The following TF variants were observed in gnomAD, a reference collection of about 807,000 sequenced individuals.
TF encodes the protein transferrin.
TF carries 55 observed loss-of-function variants against 82.4 expected under a neutral mutation model. That is an observed-to-expected ratio of 0.67 (90% CI 0.54 to 0.84). The LOEUF (loss-of-function observed/expected upper bound fraction) is 0.84, where lower values mean the gene tolerates loss of function less well. Ranked by LOEUF, TF falls within the 40% of genes least tolerant of loss-of-function variation. TF has a pLI of 0.00. For synonymous variants in TF, 332 were observed against 332.6 expected, an observed-to-expected ratio of 1.00 and a Z score of 0.02; for missense variants, 737 against 868.4, an observed-to-expected ratio of 0.85 and a Z score of 1.90.
Position 133,775,520 on chromosome 3 carries a change from A to C in TF, c.1775A>C (p.Glu592Ala). ...GATGGTACCAGGAAACCTGTGGAGGAGTATGCGAACTGCCACCTGGCCAGA... is the reference window on the plus strand; with the variant it reads ...GATGGTACCAGGAAACCTGTGGAGGCGTATGCGAACTGCCACCTGGCCAGA... ...CLDGTRKPVE[E>A]YANCHLARAP... Residue 592 changes from glutamate to alanine, a missense_variant, in exon 15 of 17, where the codon GAG becomes GCG. Transcript: ENST00000402696. 1.9e-6 allele frequency: 3 copies of C among 1,614,196 alleles called. No individual in the cohort carries two copies. The highest frequency in any genetic ancestry group is 2.5e-6 in the Non-Finnish European group (3 of 1,180,024).
chr3:133,719,362 G>A, the TF span, among the ~76,000 whole-genome samples: 8 of 152,194 alleles, frequency 5.3e-5, no homozygotes, highest in Admixed American at 5.2e-4. Flanking sequence ...GTTGTCCATA[G>A]TAGAAATAAG....
chr3:133,760,799 C>T (rs8177249), intron 9 of TF: 2,482 of 160,168 alleles, frequency 0.015, 67 homozygotes, highest in African/African-American at 0.056. Context: ...TGTGAGACCA[C>T]GTCCAAGTGG....
chr3:133,767,981 C>T, intron 12 of TF, 48 bp from the exon 13 acceptor site: 1 of 1,613,042 alleles, frequency 6.2e-7, no homozygotes, highest in Non-Finnish European at 8.5e-7. Flanking sequence ...ATAAAAGCTG[C>T]TTGCATTGAC....
rs1318630690 is a variant in TF, at chr3:133,782,443, T to C, written c.*3823T>C. On this transcript the variant is annotated 3_prime_UTR_variant, in exon 17 of 17. Transcript: ENST00000402696. ...TGTATACACACACACACACACACAA[T>C]GGAATATTATTCAGCCCTAAAAAGA... 6.8e-6 allele frequency: 1 copy of C among 146,188 alleles called. No homozygotes were observed. The highest frequency in any genetic ancestry group is 1.5e-5 in the Non-Finnish European group (1 of 66,884). 9.1% of individuals were successfully genotyped at this position (146,188 alleles called of 1,614,324 possible). A position where few individuals can be genotyped will look rare whatever the true frequency, so the allele number is the denominator to read the frequency against.
At chr3:133,731,023 A>T in the TF span, among the ~76,000 whole-genome samples, 2 of 152,396 alleles carry the variant, frequency 1.3e-5, no homozygotes, top group Admixed American at 6.5e-5. Flanking sequence ...AGAAACCAAC[A>T]GTTGACACCA....
chr3:133,671,832 G>GA, the TF span, among the ~76,000 whole-genome samples: 2 of 148,682 alleles, frequency 1.3e-5, no homozygotes, highest in Admixed American at 6.7e-5. Context: ...AAAAGGAGAA[G>GA]AAGGAAAGAA....
rs748308522 is a variant in TF, at chr3:133,766,390, C to G, written c.1443C>G (p.Ile481Met). The change falls in exon 12 of 17, where the codon ATC becomes ATG. Residue 481 changes from isoleucine to methionine, a missense_variant. Coordinates refer to ENST00000402696, the MANE Select transcript of TF (RefSeq NM_001063.4). Reference sequence around the variant, plus strand: ...TTGGCAGAACCGCTGGCTGGAACATCCCCATGGGCCTGCTCTACAATAAGA... The same window carrying G: ...TTGGCAGAACCGCTGGCTGGAACATGCCCATGGGCCTGCTCTACAATAAGA... ...TAVGRTAGWN[I>M]PMGLLYNKIN... 2.5e-6 allele frequency: 4 copies of G among 1,614,072 alleles called. No homozygotes were observed. Among genetic ancestry groups the G allele is most frequent in the African/African-American group, 1.3e-5 (1 of 74,932 alleles).
At chr3:133,762,763 G>C (rs1486147971) in intron 9 of TF, among the ~76,000 whole-genome samples, 2 of 152,164 alleles carry the variant, frequency 1.3e-5, no homozygotes, top group Non-Finnish European at 2.9e-5. Context: ...TCTGGTGACA[G>C]GTGCCTTCAA....
chr3:133,776,729 C>G (rs1934401755), intron 15 of TF, among the ~76,000 whole-genome samples: 1 of 152,102 alleles, frequency 6.6e-6, no homozygotes, highest in Non-Finnish European at 1.5e-5. Context: ...CTCTCATTTC[C>G]TATAAGCAGC....
At chr3:133,754,218 C>T (rs577450820) in intron 3 of TF, 127 of 477,450 alleles carry the variant, frequency 2.7e-4, no homozygotes, top group Admixed American at 4.7e-4. Flanking sequence ...TAGGCAGACA[C>T]GCTGCAGGGC....
chr3:133,680,230 G>C, the TF span, among the ~76,000 whole-genome samples: 3 of 150,218 alleles, frequency 2.0e-5, no homozygotes, highest in Admixed American at 1.3e-4. Flanking sequence ...TGGAGTTATA[G>C]GTTCTCCCTC....
chr3:133,759,059 C>G lies in TF; in HGVS notation c.1049-116C>G, dbSNP rs561630136. 1.3e-4 allele frequency: 174 copies of G among 1,291,676 alleles called. 4 individuals carry two copies. In the South Asian group the frequency reaches 1.9e-3, roughly 14 times the overall value. The allele number at this position is 1,291,676 out of a possible 1,614,324, so 80.0% of individuals were successfully genotyped here. ...AGGTGATTAATTCCTTGAATGGGGT[C>G]TGTTTGTTTATTGCTGGCAAATCCC... On this transcript the variant is annotated intron_variant, in intron 8 of 16. Transcript: ENST00000402696.
chr3:133,775,452 G>A lies in TF; in HGVS notation c.1707G>A (p.Trp569Ter). The stretch of plus-strand genomic sequence containing the variant: ...CCCTAGGAAAAAACCCTGATCCATG[G>A]GCTAAGAATCTGAATGAAAAAGACT... ...QNTGGKNPDP[W>*]AKNLNEKDYE... The change falls in exon 15 of 17, where the codon TGG becomes TGA. Residue 569 changes from tryptophan to a stop codon, truncating the protein, a stop_gained. Transcript: ENST00000402696. LOFTEE classifies it high-confidence loss of function. 6.2e-7 allele frequency: 1 copy of A among 1,614,170 alleles called. No homozygotes were observed. Among genetic ancestry groups the A allele is most frequent in the Non-Finnish European group, 8.5e-7 (1 of 1,180,024 alleles).
Position 133,756,861 on chromosome 3 carries a change from A to G in TF, c.722A>G (p.Gln241Arg), listed in dbSNP as rs755612049. The G allele has an allele frequency of 6.2e-7, 1 of 1,614,240 alleles. No homozygotes were observed. Residue 241 changes from glutamine to arginine, a missense_variant, in exon 7 of 17, where the codon CAG becomes CGG. Transcript: ENST00000402696. ...TTGGCAAACAAGGCTGACAGGGACC[A>G]GTATGAGCTGCTTTGCCTGGACAAC... ...ENLANKADRD[Q>R]YELLCLDNTR...
chr3:133,766,896 C>T (rs1475239508), intron 12 of TF, among the ~76,000 whole-genome samples: 3 of 152,148 alleles, frequency 2.0e-5, no homozygotes, highest in Non-Finnish European at 2.9e-5. Flanking sequence ...AAGGAGCTCT[C>T]TAGGAAGTCT....
rs1576369974 is a variant in TF at position 133,778,935 on chromosome 3, CTCCTGGGT to C, written c.*316_*323del. 5.7e-6 allele frequency: 2 copies of C among 351,236 alleles called. No individual in the cohort carries two copies. The highest frequency in any genetic ancestry group is 1.4e-4 in the East Asian group (2 of 14,030). 21.8% of individuals were successfully genotyped at this position (351,236 alleles called of 1,614,324 possible). ...AGCTTTGTGTGTGCCATGGCCACAT[CTCCTGGGT>C]ACAGTTCAAGGAGACATCTTTTCTA... On this transcript the variant is annotated 3_prime_UTR_variant, in exon 17 of 17. Coordinates refer to ENST00000402696, the MANE Select transcript of TF (RefSeq NM_001063.4).
chr3:133,739,300 A>G, the TF span, among the ~76,000 whole-genome samples: 29,742 of 152,114 alleles, frequency 0.2, 3,033 homozygotes, highest in East Asian at 0.29. Flanking sequence ...CTTACACCAT[A>G]TACAAAAATT....
intron 11 of TF, among the ~76,000 whole-genome samples, chr3:133,765,306 T>G (rs1186066677): frequency 6.6e-6 from 1 of 152,188 alleles, no homozygotes; most frequent in Non-Finnish European, 1.5e-5. Flanking sequence ...CTTTGCTTAT[T>G]TATTCCTTAC....
the TF span, among the ~76,000 whole-genome samples, chr3:133,674,734 G>A: frequency 2.9e-3 from 317 of 111,004 alleles, 2 homozygotes; most frequent in African/African-American, 8.9e-3. Flanking sequence ...GGTCACAGCG[G>A]GACCCTGCGC....
Sources: allele counts gnomAD v4.1 joint callset (sites outside exome capture counted in the v4.1 genomes callset), GRCh38; gene constraint gnomAD v4.1.1; transcripts MANE v1.5; gene names NCBI Gene and HGNC (gene_info 2026-07-23, HGNC 2026-07-21).